The following OPCML variants were observed in gnomAD, a reference collection of about 807,000 sequenced individuals.
OPCML encodes the protein opioid binding protein/cell adhesion molecule like, also known as opioid-binding protein/cell adhesion molecule.
OPCML carries 13 observed loss-of-function variants against 37.8 expected under a neutral mutation model. The ratio of observed to expected loss-of-function variants is 0.34; its 90% CI spans 0.22 to 0.55. The LOEUF (loss-of-function observed/expected upper bound fraction) is 0.55. Ranked by LOEUF, OPCML falls within the 20% of genes least tolerant of loss-of-function variation. OPCML has a pLI of 0.91. For missense variants in OPCML, 341 were observed against 435.6 expected (o/e 0.78, Z 1.93); for synonymous variants, 176 against 168.8 (o/e 1.04, Z -0.33).
chr11:133,223,226 A>G (rs1374008884), intron 1 of OPCML, among the ~76,000 whole-genome samples: 1 of 152,220 alleles, frequency 6.6e-6, no homozygotes, highest in Non-Finnish European at 1.5e-5. Context: ...CAATGATTTC[A>G]GATTTGGAAA....
chr11:132,782,109 T>C (rs1947052110), intron 2 of OPCML, among the ~76,000 whole-genome samples: 1 of 151,892 alleles, frequency 6.6e-6, no homozygotes, highest in Non-Finnish European at 1.5e-5. Context: ...GAGGTTTTAT[T>C]TTTCCCTCAG....
rs1318412936 is a variant in OPCML at position 133,208,292 on chromosome 11, G to A, written c.62-265282C>T. On this transcript the variant is annotated intron_variant, in intron 1 of 7. Transcript: ENST00000524381. This position sits in a 1 kb window ranked among gnomAD's most constrained non-coding sequence, Gnocchi z 8.9. The stretch of plus-strand genomic sequence containing the variant: ...TTACCACGTATAAATACCAGTGAGT[G>A]AATGAATGCGGGACAGAAGCCTACA... 6.6e-6 allele frequency among the ~76,000 whole-genome samples: 1 copy of A among 152,152 alleles called. No homozygotes were observed. Among genetic ancestry groups the A allele is most frequent in the South Asian group, 2.1e-4 (1 of 4,822 alleles).
intron 2 of OPCML, among the ~76,000 whole-genome samples, chr11:132,813,845 G>A (rs946947324): frequency 2.0e-5 from 3 of 152,168 alleles, no homozygotes; most frequent in Admixed American, 2.0e-4. Flanking sequence ...GATAATTACT[G>A]TTTGCCCTCA....
chr11:132,971,784 G>A (rs545064973), intron 1 of OPCML, among the ~76,000 whole-genome samples: 3 of 151,826 alleles, frequency 2.0e-5, no homozygotes, highest in East Asian at 1.9e-4. Context: ...TTTCCCTCCC[G>A]CCTCCAAACC....
intron 1 of OPCML, among the ~76,000 whole-genome samples, chr11:133,458,683 G>A (rs533011294): frequency 9.1e-5 from 12 of 131,444 alleles, no homozygotes; most frequent in Non-Finnish European, 1.9e-4. Context: ...ATAGATGCAC[G>A]TGTGTGTGTA....
chr11:133,334,946 T>C (rs912205045), intron 1 of OPCML, among the ~76,000 whole-genome samples: 2 of 152,212 alleles, frequency 1.3e-5, no homozygotes, highest in African/African-American at 4.8e-5. Context: ...GTGCGCTCCA[T>C]GGAAGCAGAG....
rs914637933 is a variant in OPCML, at chr11:132,938,031, G to A, written c.146+4895C>T. On this transcript the variant is annotated intron_variant, in intron 2 of 7. Coordinates refer to ENST00000524381, the MANE Select transcript of OPCML (RefSeq NM_001012393.5). The stretch of plus-strand genomic sequence containing the variant: ...AAAAGTCCCTCAGGCCTCCAAGACC[G>A]CTAACCAACTGCTGTGCCTGAATAT... Among the ~76,000 whole-genome samples the A allele has an allele frequency of 3.5e-4, 53 of 151,904 alleles. 1 individual carries two copies. Among genetic ancestry groups the A allele is most frequent in the Admixed American group, 1.4e-3 (22 of 15,260 alleles).
At chr11:132,967,270 A>C (rs767316007) in intron 1 of OPCML, among the ~76,000 whole-genome samples, 3 of 152,138 alleles carry the variant, frequency 2.0e-5, no homozygotes, top group Non-Finnish European at 4.4e-5. Flanking sequence ...CCAGTGAGAC[A>C]TAGAAATATT....
chr11:132,588,819 G>T (rs535155176), intron 3 of OPCML, among the ~76,000 whole-genome samples: 1 of 152,136 alleles, frequency 6.6e-6, no homozygotes, highest in African/African-American at 2.4e-5. Context: ...CTTTCTGTCC[G>T]GTTCTGCCTT....
At position 132,417,008 on chromosome 11, in the gene OPCML, G is replaced by A. The variant is rs1175568473; in HGVS notation, c.*3185C>T. The A allele has an allele frequency of 6.6e-6, 1 of 152,518 alleles. No individual in the cohort carries two copies. Among genetic ancestry groups the A allele is most frequent in the African/African-American group, 2.4e-5 (1 of 41,408 alleles). The allele number at this position is 152,518 out of a possible 1,614,324, so 9.4% of individuals were successfully genotyped here. A position where few individuals can be genotyped will look rare whatever the true frequency, so the allele number is the denominator to read the frequency against. ...GGAAGGGTTTCAGAGTCCCTACATT[G>A]CTAATTCCTCTCACCTAATCTCCTA... On this transcript the variant is annotated 3_prime_UTR_variant, in exon 8 of 8. Transcript: ENST00000524381.
At chr11:133,480,842 C>G (rs953263243) in intron 1 of OPCML, among the ~76,000 whole-genome samples, 2 of 152,238 alleles carry the variant, frequency 1.3e-5, no homozygotes, top group African/African-American at 4.8e-5. Context: ...AGAGCTTTGC[C>G]TGTAGTTGAT....
chr11:132,670,807 T>A (rs1942442206), intron 2 of OPCML, among the ~76,000 whole-genome samples: 1 of 152,196 alleles, frequency 6.6e-6, no homozygotes, highest in Admixed American at 6.5e-5. Context: ...TATATTTACA[T>A]AATTACTTAC....
chr11:132,706,135 C>T (rs755984279), intron 2 of OPCML, among the ~76,000 whole-genome samples: 12 of 152,166 alleles, frequency 7.9e-5, no homozygotes, highest in South Asian at 2.1e-4. Flanking sequence ...AATGCAGGAA[C>T]GACCTAATAC....
At chr11:133,406,354 A>G (rs1031377988) in intron 1 of OPCML, among the ~76,000 whole-genome samples, 37 of 152,168 alleles carry the variant, frequency 2.4e-4, no homozygotes, top group African/African-American at 8.7e-4. Flanking sequence ...CCATGAGACC[A>G]TTCTCCTTCC....
chr11:132,825,391 C>T (rs901764691), intron 2 of OPCML, among the ~76,000 whole-genome samples: 2 of 152,162 alleles, frequency 1.3e-5, no homozygotes, highest in African/African-American at 4.8e-5. Flanking sequence ...CATCAAAGCC[C>T]CATTTGAACA....
intron 1 of OPCML, among the ~76,000 whole-genome samples, chr11:133,148,218 T>C (rs73596422): frequency 0.021 from 3,170 of 152,260 alleles, 101 homozygotes; most frequent in African/African-American, 0.073. Flanking sequence ...CCTCACGAGG[T>C]AGCCTCTCTC....
At chr11:133,299,906 A>C (rs1360982392) in intron 1 of OPCML, 1 of 152,180 alleles carries the variant, frequency 6.6e-6, no homozygotes, top group Non-Finnish European at 1.5e-5. Context: ...ATCATTAAAG[A>C]CCTTCAGTGA....
At chr11:133,006,230 G>A (rs1233635070) in intron 1 of OPCML, 3 of 650,650 alleles carry the variant, frequency 4.6e-6, no homozygotes, top group Non-Finnish European at 5.7e-6. Context: ...TTCCTGCGTG[G>A]AACCTGGGAT....
intron 1 of OPCML, among the ~76,000 whole-genome samples, chr11:133,023,790 G>T (rs1947497331): frequency 6.6e-6 from 1 of 152,234 alleles, no homozygotes; most frequent in African/African-American, 2.4e-5. Flanking sequence ...AAGCCTGCCT[G>T]AGTCTACTTG....
Sources: gnomAD v4.1 joint callset for allele counts (sites outside exome capture counted in the v4.1 genomes callset) on GRCh38, gnomAD v4.1.1 for gene constraint, Gnocchi (gnomAD v3.1) non-coding constraint, MANE v1.5 for transcripts, NCBI Gene and HGNC (gene_info 2026-07-23, HGNC 2026-07-21) for gene names.